Variants in LDB2 observed in about 807,000 individuals in gnomAD.
The protein encoded by LDB2 is LIM domain-binding protein 2.
LDB2 carries 12 observed loss-of-function variants against 44.3 expected under a neutral mutation model. The observed-to-expected ratio is 0.27, with a 90% CI of 0.17 to 0.44. The LOEUF (loss-of-function observed/expected upper bound fraction) is 0.44. Ranked by LOEUF, LDB2 falls within the 20% of genes least tolerant of loss-of-function variation. The pLI is 1.00. For missense variants in LDB2, 344 were observed against 473.5 expected (o/e 0.73, Z 2.54); for synonymous variants, 164 against 174.8 (o/e 0.94, Z 0.49).
At chr4:16,829,105 T>C (rs1324003189) in intron 1 of LDB2, among the ~76,000 whole-genome samples, 1 of 152,140 alleles carries the variant, frequency 6.6e-6, no homozygotes, top group Non-Finnish European at 1.5e-5. Context: ...TCCTTACTCA[T>C]GCTAAGCAGA....
intron 1 of LDB2, among the ~76,000 whole-genome samples, chr4:16,808,664 G>A (rs981581946): frequency 2.0e-5 from 3 of 152,102 alleles, no homozygotes; most frequent in African/African-American, 7.2e-5. Flanking sequence ...GAGAAATAAA[G>A]GTTATTGTTT....
chr4:16,888,891 A>C (rs1373428521), intron 1 of LDB2: 2 of 176,968 alleles, frequency 1.1e-5, no homozygotes, highest in Non-Finnish European at 2.2e-5. Context: ...ACAAACTCAG[A>C]GTTTGGACCC....
At chr4:16,792,066 T>C (rs1056863712) in intron 1 of LDB2, among the ~76,000 whole-genome samples, 2 of 152,238 alleles carry the variant, frequency 1.3e-5, no homozygotes, top group African/African-American at 4.8e-5. Flanking sequence ...CAGTGTTTTA[T>C]ACTTCCAATA....
At chr4:16,650,331 G>A (rs905476922) in intron 2 of LDB2, among the ~76,000 whole-genome samples, 3 of 152,096 alleles carry the variant, frequency 2.0e-5, no homozygotes, top group African/African-American at 4.8e-5. Context: ...CCAATAGCAC[G>A]TTTTTGATTA....
chr4:16,593,311 C>A (rs1719755768), intron 3 of LDB2, among the ~76,000 whole-genome samples: 1 of 152,068 alleles, frequency 6.6e-6, no homozygotes, highest in Non-Finnish European at 1.5e-5. Flanking sequence ...CTTCTGGACC[C>A]TTTTTCTTTG....
intron 2 of LDB2, among the ~76,000 whole-genome samples, chr4:16,734,510 CAT>C (rs1761443131): frequency 6.6e-6 from 1 of 152,234 alleles, no homozygotes; most frequent in East Asian, 1.9e-4. Context: ...CTCCAACAAA[CAT>C]AGTTGCACTG....
intron 2 of LDB2, among the ~76,000 whole-genome samples, chr4:16,682,629 A>G (rs1667342901): frequency 6.6e-6 from 1 of 152,174 alleles, no homozygotes; most frequent in South Asian, 2.1e-4. Context: ...TTAATTTCAG[A>G]GCCCTGGTAT....
chr4:16,526,992 A>G (rs1728474795), intron 5 of LDB2, among the ~76,000 whole-genome samples: 1 of 152,274 alleles, frequency 6.6e-6, no homozygotes, highest in Non-Finnish European at 1.5e-5. Flanking sequence ...TAAAACTACA[A>G]GATGTCCAGC....
intron 2 of LDB2, among the ~76,000 whole-genome samples, chr4:16,627,535 G>A (rs1485909346): frequency 6.6e-6 from 1 of 152,020 alleles, no homozygotes; most frequent in African/African-American, 2.4e-5. Context: ...TATGTGTCAG[G>A]TCTTTTACAT....
intron 2 of LDB2, among the ~76,000 whole-genome samples, chr4:16,613,686 A>G (rs1290627755): frequency 6.6e-6 from 1 of 152,148 alleles, no homozygotes; most frequent in Non-Finnish European, 1.5e-5. Context: ...AAAGAGAAAA[A>G]AATACCTAGG....
chr4:16,679,914 A>T (rs1578722936), intron 2 of LDB2, among the ~76,000 whole-genome samples: 1 of 152,184 alleles, frequency 6.6e-6, no homozygotes. Context: ...TTCTGCTCAG[A>T]ACATCTTTCT....
In LDB2 at chr4:16,721,288, C is replaced by T. The variant is rs572027669; in HGVS notation, c.235+37870G>A. Among the ~76,000 whole-genome samples, 15 of 152,170 alleles carry T rather than the reference C, an allele frequency of 9.9e-5. No individual in the cohort carries two copies. In the East Asian group the frequency reaches 2.9e-3, roughly 29 times the overall value. Reference sequence around the variant, plus strand: ...TAAATCAGGGTCAGTTCTTAATTATCCACATTGATAACTGAAGCAAACGGA... The same window carrying T: ...TAAATCAGGGTCAGTTCTTAATTATTCACATTGATAACTGAAGCAAACGGA... On this transcript the variant is annotated intron_variant, in intron 2 of 7. Coordinates refer to ENST00000304523, the MANE Select transcript of LDB2 (RefSeq NM_001290.5).
intron 5 of LDB2, among the ~76,000 whole-genome samples, chr4:16,518,421 CTT>C (rs140223222): frequency 0.013 from 1,929 of 152,016 alleles, 48 homozygotes; most frequent in African/African-American, 0.044. Flanking sequence ...ACCCTCTACT[CTT>C]TGTATGTAGG....
At chr4:16,714,628 T>A (rs985934743) in intron 2 of LDB2, among the ~76,000 whole-genome samples, 2 of 152,088 alleles carry the variant, frequency 1.3e-5, no homozygotes, top group African/African-American at 4.8e-5. Context: ...ATATTACAAA[T>A]GGGGTGACTT....
intron 2 of LDB2, among the ~76,000 whole-genome samples, chr4:16,621,936 C>T (rs1224945275): frequency 6.6e-6 from 1 of 152,174 alleles, no homozygotes; most frequent in African/African-American, 2.4e-5. Context: ...CATATTTCAA[C>T]ACTAGAAGTA....
intron 2 of LDB2, among the ~76,000 whole-genome samples, chr4:16,742,896 A>T (rs1763606511): frequency 6.6e-6 from 1 of 151,940 alleles, no homozygotes; most frequent in African/African-American, 2.4e-5. Context: ...ATTTCTGCCT[A>T]CTCAAATCAT....
At chr4:16,855,259 C>T (rs1269017227) in intron 1 of LDB2, among the ~76,000 whole-genome samples, 2 of 152,122 alleles carry the variant, frequency 1.3e-5, no homozygotes, top group Non-Finnish European at 2.9e-5. Context: ...TAGCACAAAT[C>T]ACAAATCCTT....
chr4:16,504,868 C>A (rs894960898), intron 7 of LDB2, among the ~76,000 whole-genome samples: 2 of 152,154 alleles, frequency 1.3e-5, no homozygotes, highest in African/African-American at 2.4e-5. Flanking sequence ...GGGTTAATCT[C>A]ATTTCATGAC....
At chr4:16,769,636 T>C (rs962287062) in intron 1 of LDB2, among the ~76,000 whole-genome samples, 1 of 152,000 alleles carries the variant, frequency 6.6e-6, no homozygotes. Context: ...CAACTCATGT[T>C]CTAGAGACTG....
Sources: allele counts gnomAD v4.1 joint callset (sites outside exome capture counted in the v4.1 genomes callset), GRCh38; gene constraint gnomAD v4.1.1; transcripts MANE v1.5; gene names NCBI Gene and HGNC (gene_info 2026-07-23, HGNC 2026-07-21).